Variants in DPPA3 observed in about 807,000 individuals in gnomAD.
DPPA3 encodes the protein developmental pluripotency associated 3.
A neutral mutation model predicts 15.6 loss-of-function variants in DPPA3; 9 were observed. The observed-to-expected ratio is 0.58, with a 90% CI of 0.35 to 1.01. The LOEUF is 1.01. DPPA3 is among the 50% of genes least tolerant of loss of function. The pLI, the probability that DPPA3 is intolerant of heterozygous loss-of-function variation, is 0.02. For synonymous variants in DPPA3, 61 were observed against 70.9 expected, an observed-to-expected ratio of 0.86 and a Z score of 0.70; for missense variants, 148 against 194.6, an observed-to-expected ratio of 0.76 and a Z score of 1.42.
At position 7,716,965 on chromosome 12, in the gene DPPA3, A is replaced by G. The variant is rs774942904; in HGVS notation, c.370-2A>G. 1.2e-6 allele frequency: 2 copies of G among 1,610,104 alleles called. No homozygotes were observed. The highest frequency in any genetic ancestry group is 1.1e-5 in the South Asian group (1 of 90,858). On this transcript the variant is annotated splice_acceptor_variant, in intron 3 of 3. Transcript: ENST00000345088. LOFTEE classifies it high-confidence loss of function. ...TTAATCCATTTCATCATTTTTTTTC[A>G]GAAGGAATCAAGACCATTCAAATGT...
rs752611710 is a variant in DPPA3, at chr12:7,715,242, G to C, written c.142G>C (p.Ala48Pro). The change falls in exon 2 of 4, where the codon GCT (alanine) becomes CCT (proline). Residue 48 changes from alanine (A) to proline (P), a missense_variant. Transcript: ENST00000345088. The part of the protein sequence containing the change: ...IKNLSNLTIN[A>P]SSESVSPLSE... ...GAACCTTAGTAACTTGACTATCAAC[G>C]CTAGTAGCGAATCTGTTTCCCCTCT... The C allele has an allele frequency of 6.2e-7, 1 of 1,613,812 alleles. No homozygotes were observed. The highest frequency in any genetic ancestry group is 1.1e-5 in the South Asian group (1 of 91,050).
At chr12:7,716,643 T>C (rs763241773) in intron 3 of DPPA3, among the ~76,000 whole-genome samples, 84 of 152,226 alleles carry the variant, frequency 5.5e-4, no homozygotes, top group African/African-American at 1.7e-3. Context: ...GGTAGCACTG[T>C]ATAGTAAGAG....
intron 1 of DPPA3, 74 bp downstream of exon 1, chr12:7,711,726 T>C: frequency 7.4e-6 from 3 of 406,886 alleles, no homozygotes; most frequent in Non-Finnish European, 1.1e-5. Context: ...CCGTCTTTTT[T>C]TTTTTTTTTT....
Position 7,715,266 on chromosome 12 carries a change from C to G in DPPA3, c.166C>G (p.Leu56Val), listed in dbSNP as rs141958540. Residue 56 changes from leucine to valine, a missense_variant, in exon 2 of 4, where the codon CTA becomes GTA. Leu to Val is a conservative substitution (Grantham distance 32, BLOSUM62 1). Transcript: ENST00000345088. The part of the protein sequence containing the change: ...INASSESVSP[L>V]SEALLRRESV... Reference sequence around the variant, plus strand: ...CGCTAGTAGCGAATCTGTTTCCCCTCTATCGGAAGCTTTACTCCGTCGAGA... The same window carrying G: ...CGCTAGTAGCGAATCTGTTTCCCCTGTATCGGAAGCTTTACTCCGTCGAGA... 3.6e-4 allele frequency: 574 copies of G among 1,613,884 alleles called. 1 individual carries two copies. Among genetic ancestry groups the G allele is most frequent in the African/African-American group, 2.8e-3 (207 of 75,014 alleles).
Position 7,711,654 on chromosome 12 carries a change from T to TA in DPPA3, c.82+4dup. 1.3e-6 allele frequency: 2 copies of TA among 1,555,614 alleles called. No individual in the cohort carries two copies. Among genetic ancestry groups the TA allele is most frequent in the Non-Finnish European group, 1.8e-6 (2 of 1,140,500 alleles). On this transcript the variant is annotated splice_region_variant and intron_variant, in intron 1 of 3. Coordinates refer to ENST00000345088, the MANE Select transcript of DPPA3 (RefSeq NM_199286.4). ...AAGAAAATTCCCGGGACGATTCAGG[T>TA]AAGCCAGATAATGCCCTTCTTGACT...
At chr12:7,715,486 A>C in intron 2 of DPPA3, 59 bp downstream of exon 2, 2 of 1,611,438 alleles carry the variant, frequency 1.2e-6, no homozygotes, top group Non-Finnish European at 8.5e-7. Flanking sequence ...CTCATAAATT[A>C]AGACCTAATT....
intron 3 of DPPA3, among the ~76,000 whole-genome samples, 182 bp downstream of exon 3, chr12:7,716,421 T>G (rs1367125174): frequency 1.3e-5 from 2 of 152,082 alleles, no homozygotes; most frequent in Non-Finnish European, 2.9e-5. Context: ...ATATTCTTTA[T>G]TCTTTATTTT....
rs758769599 is a variant in DPPA3 at position 7,716,173 on chromosome 12, A to G, written c.328-25A>G. 9 of 1,516,016 alleles carry G rather than the reference A, an allele frequency of 5.9e-6. No homozygotes were observed. In the East Asian group the frequency reaches 1.8e-4, roughly 31 times the overall value. The allele number at this position is 1,516,016 out of a possible 1,614,324, so 93.9% of individuals were successfully genotyped here. On this transcript the variant is annotated intron_variant, in intron 2 of 3. Coordinates refer to ENST00000345088, the MANE Select transcript of DPPA3 (RefSeq NM_199286.4). ...GTAATCTTTTTCTTGATAGTTTTCA[A>G]TAAACATATTTTTTTCCCATGAAGC...
chr12:7,716,324 G>T, intron 3 of DPPA3, 85 bp downstream of exon 3: 2 of 1,070,914 alleles, frequency 1.9e-6, no homozygotes, highest in Non-Finnish European at 2.7e-6. Flanking sequence ...TCCTTTTGCC[G>T]GAATAGGGAA....
At chr12:7,712,709 G>A (rs1864358145) in intron 1 of DPPA3, among the ~76,000 whole-genome samples, 1 of 152,160 alleles carries the variant, frequency 6.6e-6, no homozygotes, top group Non-Finnish European at 1.5e-5. Flanking sequence ...GCCTCCCAAA[G>A]TGCTGGGATT....
intron 2 of DPPA3, 97 bp from the exon 3 acceptor site, chr12:7,716,101 T>C: frequency 9.1e-7 from 1 of 1,101,562 alleles, no homozygotes; most frequent in Non-Finnish European, 1.3e-6. Context: ...AGACCCTGTC[T>C]CAACAAATTC....
intron 1 of DPPA3, among the ~76,000 whole-genome samples, chr12:7,712,852 G>C (rs1359301161): frequency 6.6e-6 from 1 of 152,176 alleles, no homozygotes; most frequent in Non-Finnish European, 1.5e-5. Flanking sequence ...GGGACTGCAG[G>C]CGTGCGCCAC....
At chr12:7,715,077 G>A in intron 1 of DPPA3, 106 bp from the exon 2 acceptor site, 2 of 1,536,204 alleles carry the variant, frequency 1.3e-6, no homozygotes, top group Non-Finnish European at 1.8e-6. Context: ...TCCACCCTGA[G>A]GAATTTCCCA....
chr12:7,711,714 T>A, intron 1 of DPPA3, 62 bp downstream of exon 1: 1 of 633,868 alleles, frequency 1.6e-6, no homozygotes, highest in Non-Finnish European at 2.3e-6. Context: ...GTCAAAAGGC[T>A]GCCGTCTTTT....
chr12:7,713,185 C>T (rs999076), intron 1 of DPPA3, among the ~76,000 whole-genome samples: 100 of 152,340 alleles, frequency 6.6e-4, no homozygotes, highest in Non-Finnish European at 1.2e-3. Context: ...AGGGTGGTGG[C>T]GGCAGAAACC....
At chr12:7,712,454 A>C (rs1052332415) in intron 1 of DPPA3, among the ~76,000 whole-genome samples, 1 of 151,280 alleles carries the variant, frequency 6.6e-6, no homozygotes, top group Non-Finnish European at 1.5e-5. Flanking sequence ...CATTATTTTT[A>C]TTTATATATT....
At chr12:7,716,356 T>C in intron 3 of DPPA3, 117 bp downstream of exon 3, 1 of 771,648 alleles carries the variant, frequency 1.3e-6, no homozygotes, top group South Asian at 1.9e-5. Context: ...GCTTGGACTT[T>C]CTGAATCCCC....
intron 1 of DPPA3, among the ~76,000 whole-genome samples, chr12:7,714,701 C>CTATTTT (rs1864379269): frequency 1.3e-5 from 2 of 148,368 alleles, no homozygotes; most frequent in Non-Finnish European, 1.5e-5. Flanking sequence ...AGTTTTATTT[C>CTATTTT]TATTTTTATT....
intron 3 of DPPA3, 120 bp from the exon 4 acceptor site, chr12:7,716,846 CT>C: frequency 2.1e-6 from 2 of 936,802 alleles, no homozygotes; most frequent in South Asian, 1.5e-5. Context: ...CCCGTGTGTC[CT>C]TTTTTGTGTG....
Sources: gnomAD v4.1 joint callset for allele counts (sites outside exome capture counted in the v4.1 genomes callset) on GRCh38, gnomAD v4.1.1 for gene constraint, MANE v1.5 for transcripts, NCBI Gene and HGNC (gene_info 2026-07-23, HGNC 2026-07-21) for gene names.